Variants in AKAP9 observed in about 807,000 individuals in gnomAD.
The protein encoded by AKAP9 is A-kinase anchoring protein 9, also known as A-kinase anchor protein 9.
A neutral mutation model predicts 488.5 loss-of-function variants in AKAP9; 311 were observed. The ratio of observed to expected loss-of-function variants is 0.64; its 90% confidence interval spans 0.58 to 0.70. The LOEUF is 0.70. Among genes scored for constraint, AKAP9 ranks in the 30% least tolerant of loss-of-function variants. The probability of loss-of-function intolerance (pLI) is 0.00; values close to 1 mark genes in which losing one functional copy is unlikely to be tolerated. For synonymous variants in AKAP9, 1,462 were observed against 1,483.5 expected, an observed-to-expected ratio of 0.99 and a Z score of 0.33; for missense variants, 4,215 against 4,374.5, an observed-to-expected ratio of 0.96 and a Z score of 1.03.
At chr7:91,945,081 G>A (rs976656240) in intron 1 of AKAP9, among the ~76,000 whole-genome samples, 2 of 152,186 alleles carry the variant, frequency 1.3e-5, no homozygotes, top group Non-Finnish European at 2.9e-5. Context: ...AAAGACCTTA[G>A]GCGGGGTGTG....
chr7:91,977,544 A>C (rs2130577814), intron 2 of AKAP9, among the ~76,000 whole-genome samples: 1 of 152,360 alleles, frequency 6.6e-6, no homozygotes, highest in South Asian at 2.1e-4. Context: ...CGACAGAGCG[A>C]GACTCCGTCT....
Position 92,045,152 on chromosome 7 carries a change from A to T in AKAP9, c.5307A>T (p.Leu1769=). 6.2e-7 allele frequency: 1 copy of T among 1,613,718 alleles called. No homozygotes were observed. Among genetic ancestry groups the T allele is most frequent in the South Asian group, 1.1e-5 (1 of 91,066 alleles). Residue 1769 remains leucine (L), a synonymous_variant, in exon 21 of 50, where the codon CTA becomes CTT. Coordinates refer to ENST00000356239, the MANE Select transcript of AKAP9 (RefSeq NM_005751.5). Reference sequence around the variant, plus strand: ...GTAAAAGCCAGTCATCTGCCAGCCTAATTTGGAGGTCAGAAGCAGAGGCAT... The same window carrying T: ...GTAAAAGCCAGTCATCTGCCAGCCTTATTTGGAGGTCAGAAGCAGAGGCAT... The part of the protein sequence containing the change: ...RSSKSQSSAS[L]IWRSEAEASV...
intron 2 of AKAP9, among the ~76,000 whole-genome samples, chr7:91,974,958 C>T (rs1795479149): frequency 1.3e-5 from 2 of 151,602 alleles, no homozygotes; most frequent in Admixed American, 6.6e-5. Context: ...CCAAGCCATC[C>T]TCCCACCTCA....
In AKAP9 at chr7:91,994,689, A is replaced by G. The variant is rs767167128; in HGVS notation, c.645A>G (p.Gln215=). Residue 215 remains glutamine, a synonymous_variant, in exon 6 of 50, where the codon CAA becomes CAG. Coordinates refer to ENST00000356239, the MANE Select transcript of AKAP9 (RefSeq NM_005751.5). ...TAACCCAGCTCACTGCTAATTTACA[A>G]CAAGCAAGAAGAGAAAAGGATGAGA... is the stretch of plus-strand genomic sequence containing the variant. The part of the protein sequence containing the change: ...GIITQLTANL[Q]QARREKDETM... 3.7e-5 allele frequency: 59 copies of G among 1,613,416 alleles called. No homozygotes were observed. In the Admixed American group the frequency reaches 3.7e-4, roughly 10 times the overall value.
Position 92,061,327 on chromosome 7 carries a change from C to G in AKAP9, c.5669C>G (p.Thr1890Arg), listed in dbSNP as rs760613621. Residue 1890 changes from threonine to arginine, a missense_variant, in exon 23 of 50, where the codon ACA (threonine) becomes AGA (arginine). Coordinates refer to ENST00000356239, the MANE Select transcript of AKAP9 (RefSeq NM_005751.5). ...RESFRQKQEA[T>R]ESLKCQEELR... ...TCATTTAGACAGAAACAAGAAGCAACAGAGTCCCTTAAGTGCCAAGAGGAA... is the reference window on the plus strand; with the variant it reads ...TCATTTAGACAGAAACAAGAAGCAAGAGAGTCCCTTAAGTGCCAAGAGGAA... The G allele has an allele frequency of 6.2e-6, 10 of 1,613,078 alleles. No individual in the cohort carries two copies. In the East Asian group the frequency reaches 2.2e-4, roughly 36 times the overall value.
Position 92,001,270 on chromosome 7 carries a change from A to G in AKAP9, c.1353A>G (p.Glu451=). ...AGCAGATAGTGCAAATGAAACAAGA[A>G]TTAATAAGACAACACATGGCACAGA... The part of the protein sequence containing the change: ...YGQQIVQMKQ[E]LIRQHMAQME... The change falls in exon 8 of 50, where the codon GAA becomes GAG. Residue 451 remains glutamate, a synonymous_variant. Coordinates refer to ENST00000356239, the MANE Select transcript of AKAP9 (RefSeq NM_005751.5). The G allele has an allele frequency of 1.2e-6, 2 of 1,614,032 alleles. No individual in the cohort carries two copies. The highest frequency in any genetic ancestry group is 1.1e-5 in the South Asian group (1 of 91,082).
chr7:92,005,859 A>G (rs559038808), intron 8 of AKAP9, among the ~76,000 whole-genome samples: 2 of 151,780 alleles, frequency 1.3e-5, no homozygotes, highest in Admixed American at 6.6e-5. Flanking sequence ...AGTAGAGACA[A>G]GGTTTCACCA....
intron 3 of AKAP9, among the ~76,000 whole-genome samples, chr7:91,991,767 G>T (rs934915392): frequency 6.6e-6 from 1 of 152,080 alleles, no homozygotes; most frequent in Non-Finnish European, 1.5e-5. Flanking sequence ...CACCACACCC[G>T]ACCTAAATTG....
chr7:92,062,830 T>C (rs1810119489), intron 24 of AKAP9, among the ~76,000 whole-genome samples: 1 of 152,170 alleles, frequency 6.6e-6, no homozygotes, highest in Non-Finnish European at 1.5e-5. Context: ...CAAAAATGTA[T>C]ACTTGGATTA....
chr7:92,099,903 A>G, intron 44 of AKAP9, 34 bp downstream of exon 44: 1 of 1,592,900 alleles, frequency 6.3e-7, no homozygotes, highest in Non-Finnish European at 8.6e-7. Context: ...ATATATGAGA[A>G]TTAGTGCATG....
intron 20 of AKAP9, among the ~76,000 whole-genome samples, chr7:92,044,794 A>G (rs1806692775): frequency 1.3e-5 from 2 of 152,202 alleles, no homozygotes; most frequent in Admixed American, 6.5e-5. Flanking sequence ...TAATTGGCCA[A>G]AATTTTTCAG....
At chr7:91,961,540 G>A (rs1474255293) in intron 1 of AKAP9, among the ~76,000 whole-genome samples, 1 of 151,844 alleles carries the variant, frequency 6.6e-6, no homozygotes, top group Non-Finnish European at 1.5e-5. Flanking sequence ...ATGATCATTT[G>A]TTAAGTTAAA....
At chr7:92,034,054 A>C (rs1212241355) in intron 16 of AKAP9, among the ~76,000 whole-genome samples, 2 of 152,184 alleles carry the variant, frequency 1.3e-5, no homozygotes, top group South Asian at 4.1e-4. Flanking sequence ...TATTTTATAT[A>C]GGGTTGTCAT....
intron 36 of AKAP9, 57 bp from the exon 37 acceptor site, chr7:92,086,170 GA>G: frequency 7.4e-7 from 1 of 1,352,316 alleles, no homozygotes; most frequent in Non-Finnish European, 1.0e-6. Flanking sequence ...AATATTTTTA[GA>G]ATGTTTTTAA....
Position 92,089,926 on chromosome 7 carries a change from A to G in AKAP9, c.9358+397A>G, listed in dbSNP as rs528775397. ...AAAAATTGTGAGCCATAACATACAG[A>G]AAATTACAAATTGCAAATATGCAGT... On this transcript the variant is annotated intron_variant, in intron 38 of 49. Coordinates refer to ENST00000356239, the MANE Select transcript of AKAP9 (RefSeq NM_005751.5). 6.3e-5 allele frequency: 11 copies of G among 175,400 alleles called. No individual in the cohort carries two copies. In the South Asian group the frequency reaches 1.4e-3, roughly 23 times the overall value. 10.9% of individuals were successfully genotyped at this position (175,400 alleles called of 1,614,324 possible).
At chr7:92,040,395 C>T (rs1046020747) in intron 17 of AKAP9, among the ~76,000 whole-genome samples, 1 of 151,770 alleles carries the variant, frequency 6.6e-6, no homozygotes, top group South Asian at 2.1e-4. Context: ...TATCTTAGTT[C>T]TTTTTTTTCT....
At chr7:91,955,144 T>A (rs1398041609) in intron 1 of AKAP9, among the ~76,000 whole-genome samples, 1 of 152,184 alleles carries the variant, frequency 6.6e-6, no homozygotes, top group Non-Finnish European at 1.5e-5. Flanking sequence ...AGAATCTAAG[T>A]GACTGACCTT....
At chr7:91,963,600 C>T (rs1344906107) in intron 1 of AKAP9, among the ~76,000 whole-genome samples, 1 of 151,998 alleles carries the variant, frequency 6.6e-6, no homozygotes, top group African/African-American at 2.4e-5. Flanking sequence ...TCACTGCAAG[C>T]TCCGCCTCCC....
chr7:92,053,210 A>G (rs1459572435), intron 22 of AKAP9, among the ~76,000 whole-genome samples: 8 of 152,084 alleles, frequency 5.3e-5, no homozygotes, highest in Admixed American at 5.2e-4. Context: ...ATTAGTATTT[A>G]ATTTTTGTGA....
Sources: gnomAD v4.1 joint callset for allele counts (sites outside exome capture counted in the v4.1 genomes callset) on GRCh38, gnomAD v4.1.1 for gene constraint, MANE v1.5 for transcripts, NCBI Gene and HGNC (gene_info 2026-07-23, HGNC 2026-07-21) for gene names.